Variants in SLX9 observed in about 807,000 individuals in gnomAD.
SLX9 encodes ribosome biogenesis protein SLX9 homolog.
SLX9 carries 19 observed loss-of-function variants against 20.8 expected under a neutral mutation model. The ratio of observed to expected loss-of-function variants is 0.91; its 90% CI spans 0.64 to 1.34. SLX9 has a LOEUF of 1.34. Among genes scored for constraint, SLX9 ranks in the 40% most tolerant of loss-of-function variants. SLX9 has a pLI of 0.00. For missense variants in SLX9, 299 were observed against 322.2 expected (o/e 0.93, Z 0.55); for synonymous variants, 113 against 137.1 (o/e 0.82, Z 1.23).
intron 3 of SLX9, 109 bp from the exon 4 acceptor site, chr21:44,966,925 G>C: frequency 7.1e-7 from 1 of 1,404,922 alleles, no homozygotes; most frequent in Non-Finnish European, 9.8e-7. Context: ...GGGAAGGAGA[G>C]AGGCAGCAGG....
At chr21:44,965,015 G>A (rs1041557437) in intron 3 of SLX9, among the ~76,000 whole-genome samples, 3 of 152,152 alleles carry the variant, frequency 2.0e-5, no homozygotes, top group Non-Finnish European at 4.4e-5. Context: ...CTTTTGCCAC[G>A]CTGTTAATTT....
At position 44,973,234 on chromosome 21, in the gene SLX9, C is replaced by A; in HGVS notation, c.538C>A (p.Arg180=). ...CAAGCCCCGGCCCTCAGAGCTCAGC[C>A]GGATGAGCGCAGCCCAGAGACAGCA... ...SNKPRPSELS[R]MSAAQRQQLL... Residue 180 remains arginine (R), a synonymous_variant, in exon 5 of 6, where the codon CGG becomes AGG. Coordinates refer to ENST00000291634, the MANE Select transcript of SLX9 (RefSeq NM_058190.4). The A allele has an allele frequency of 6.2e-7, 1 of 1,612,910 alleles. No homozygotes were observed. The highest frequency in any genetic ancestry group is 2.2e-5 in the East Asian group (1 of 44,894).
Position 44,973,215 on chromosome 21 carries a change from C to G in SLX9, c.519C>G (p.Pro173=). The G allele has an allele frequency of 6.2e-7, 1 of 1,613,152 alleles. No individual in the cohort carries two copies. Among genetic ancestry groups the G allele is most frequent in the Non-Finnish European group, 8.5e-7 (1 of 1,179,762 alleles). ...TCCACAGCAGGGAGAGCAACAAGCC[C>G]CGGCCCTCAGAGCTCAGCCGGATGA... ...RQARSRESNK[P]RPSELSRMSA... Residue 173 remains proline (P), a synonymous_variant, in exon 5 of 6, where the codon CCC becomes CCG. Coordinates refer to ENST00000291634, the MANE Select transcript of SLX9 (RefSeq NM_058190.4).
At chr21:44,945,252 A>G (rs902931161) in intron 2 of SLX9, among the ~76,000 whole-genome samples, 1 of 152,218 alleles carries the variant, frequency 6.6e-6, no homozygotes, top group African/African-American at 2.4e-5. Context: ...GGACCTGGTG[A>G]GGTGACCAGG....
intron 1 of SLX9, among the ~76,000 whole-genome samples, chr21:44,942,372 G>A (rs1301965721): frequency 6.6e-6 from 1 of 152,156 alleles, no homozygotes; most frequent in African/African-American, 2.4e-5. Flanking sequence ...CGACTTTTCT[G>A]TCTCTGCCAC....
chr21:44,962,834 G>A (rs186166458), intron 3 of SLX9, among the ~76,000 whole-genome samples: 96 of 152,138 alleles, frequency 6.3e-4, no homozygotes, highest in South Asian at 1.9e-3. Context: ...ATGGCCTGCC[G>A]TCTCCTCAGC....
intron 3 of SLX9, among the ~76,000 whole-genome samples, chr21:44,960,591 C>T (rs911228941): frequency 1.4e-4 from 21 of 152,362 alleles, no homozygotes; most frequent in Middle Eastern, 3.4e-3. Context: ...TCAGAAGTGC[C>T]TGCAGTGGTA....
At chr21:44,948,184 G>A (rs566065980) in intron 2 of SLX9, among the ~76,000 whole-genome samples, 3 of 151,422 alleles carry the variant, frequency 2.0e-5, no homozygotes, top group East Asian at 1.9e-4. Flanking sequence ...TCGGGCATCC[G>A]GGGAGGTGGT....
chr21:44,950,110 T>G (rs1167347364), intron 2 of SLX9, among the ~76,000 whole-genome samples: 1 of 151,966 alleles, frequency 6.6e-6, no homozygotes, highest in African/African-American at 2.4e-5. Flanking sequence ...ATTTTTTTTT[T>G]TTTTAAGATA....
At chr21:44,959,672 C>T (rs1037027322) in intron 2 of SLX9, among the ~76,000 whole-genome samples, 1 of 152,244 alleles carries the variant, frequency 6.6e-6, no homozygotes, top group African/African-American at 2.4e-5. Flanking sequence ...CGTCGCTGGG[C>T]CTGACGTGAC....
chr21:44,976,900 C>A lies in SLX9; in HGVS notation c.*97C>A. The A allele has an allele frequency of 6.7e-7, 1 of 1,486,824 alleles. No individual in the cohort carries two copies. The highest frequency in any genetic ancestry group is 1.2e-5 in the South Asian group (1 of 81,456). The allele number at this position is 1,486,824 out of a possible 1,614,324, so 92.1% of individuals were successfully genotyped here. Reference sequence around the variant, plus strand: ...ACCATGGCCTGAGCCTGGTGGACGCCCTTCCCTCTGGTCGGTTGTGGGGCT... The same window carrying A: ...ACCATGGCCTGAGCCTGGTGGACGCACTTCCCTCTGGTCGGTTGTGGGGCT... On this transcript the variant is annotated 3_prime_UTR_variant, in exon 6 of 6. Transcript: ENST00000291634.
At chr21:44,972,848 C>T (rs903778721) in intron 4 of SLX9, among the ~76,000 whole-genome samples, 2 of 151,964 alleles carry the variant, frequency 1.3e-5, no homozygotes, top group Non-Finnish European at 2.9e-5. Flanking sequence ...CGCTGTATAT[C>T]GTGAGACGTG....
At position 44,976,904 on chromosome 21, in the gene SLX9, C is replaced by T. The variant is rs1054736269; in HGVS notation, c.*101C>T. 6 of 1,479,278 alleles carry T rather than the reference C, an allele frequency of 4.1e-6. No individual in the cohort carries two copies. The highest frequency in any genetic ancestry group is 4.5e-6 in the Non-Finnish European group (5 of 1,104,286). 91.6% of individuals were successfully genotyped at this position (1,479,278 alleles called of 1,614,324 possible). A position where few individuals can be genotyped will look rare whatever the true frequency, so the allele number is the denominator to read the frequency against. On this transcript the variant is annotated 3_prime_UTR_variant, in exon 6 of 6. Transcript: ENST00000291634. ...TGGCCTGAGCCTGGTGGACGCCCTT[C>T]CCTCTGGTCGGTTGTGGGGCTCAAT...
intron 3 of SLX9, among the ~76,000 whole-genome samples, chr21:44,964,306 A>C (rs112605198): frequency 6.6e-6 from 1 of 152,096 alleles, no homozygotes; most frequent in Non-Finnish European, 1.5e-5. Flanking sequence ...TTAGAAATGC[A>C]TGTTTTCTGT....
chr21:44,967,456 C>CT (rs2085059213), intron 4 of SLX9, among the ~76,000 whole-genome samples: 1 of 152,176 alleles, frequency 6.6e-6, no homozygotes, highest in African/African-American at 2.4e-5. Flanking sequence ...TCATGTGCCC[C>CT]TCCCCCGACA....
chr21:44,948,614 T>G (rs896801157), intron 2 of SLX9, among the ~76,000 whole-genome samples: 2 of 151,570 alleles, frequency 1.3e-5, no homozygotes, highest in Admixed American at 1.3e-4. Context: ...GAGCAGAGGA[T>G]GTTGGGAGGC....
chr21:44,941,183 C>T (rs954503850), intron 1 of SLX9, among the ~76,000 whole-genome samples: 1 of 152,150 alleles, frequency 6.6e-6, no homozygotes, highest in Non-Finnish European at 1.5e-5. Flanking sequence ...CTCTTTTAGT[C>T]CTTAGAAATA....
At chr21:44,968,753 C>CTT (rs35304604) in intron 4 of SLX9, among the ~76,000 whole-genome samples, 1,331 of 132,906 alleles carry the variant, frequency 0.01, 71 homozygotes, top group African/African-American at 0.034. Context: ...CATCTCTGTG[C>CTT]TTTTTTTTTT....
intron 4 of SLX9, 88 bp downstream of exon 4, chr21:44,967,269 A>C (rs1318069079): frequency 5.4e-6 from 8 of 1,476,238 alleles, no homozygotes; most frequent in Non-Finnish European, 7.2e-6. Context: ...GCCACGGGCC[A>C]CGGTGCTTCC....
Sources: gnomAD v4.1 joint callset for allele counts (sites outside exome capture counted in the v4.1 genomes callset) on GRCh38, gnomAD v4.1.1 for gene constraint, MANE v1.5 for transcripts, NCBI Gene and HGNC (gene_info 2026-07-23, HGNC 2026-07-21) for gene names.